The following TBC1D22B variants were observed in gnomAD, a reference collection of about 807,000 sequenced individuals.
The protein encoded by TBC1D22B is chromosome 6 open reading frame 197.
TBC1D22B carries 32 observed loss-of-function variants against 69.1 expected under a neutral mutation model. That is an observed-to-expected ratio of 0.46 (90% CI 0.35 to 0.62). The LOEUF (loss-of-function observed/expected upper bound fraction) is 0.62, where lower values mean the gene tolerates loss of function less well. TBC1D22B is among the 20% of genes least tolerant of loss of function. TBC1D22B has a pLI of 0.00. For synonymous variants in TBC1D22B, 206 were observed against 229.8 expected (o/e 0.90, Z 0.94); for missense variants, 462 against 630.9 (o/e 0.73, Z 2.87).
chr6:37,303,374 T>C (rs960734803), intron 8 of TBC1D22B, among the ~76,000 whole-genome samples: 21 of 152,234 alleles, frequency 1.4e-4, no homozygotes, highest in African/African-American at 5.1e-4. Context: ...TGATTCTGTT[T>C]CCTTACTCTT....
rs958501830 is a variant in TBC1D22B, at chr6:37,312,928, G to A, written c.993G>A (p.Val331=). 1.2e-6 allele frequency: 2 copies of A among 1,613,716 alleles called. No homozygotes were observed. The highest frequency in any genetic ancestry group is 1.7e-6 in the Non-Finnish European group (2 of 1,179,744). ...VFLSEYVEED[V]ENFDVTNLSQ... ...CCTTTTGTTTTACAGAAGAGGATGT[G>A]GAGAACTTTGACGTGACCAACTTGT... The change falls in exon 9 of 13, where the codon GTG becomes GTA. Residue 331 remains valine, a synonymous_variant. Transcript: ENST00000373491.
intron 10 of TBC1D22B, 74 bp downstream of exon 10, chr6:37,313,965 T>C (rs534393277): frequency 5.8e-6 from 8 of 1,381,942 alleles, no homozygotes; most frequent in Non-Finnish European, 8.2e-6. Context: ...TGCTTGTGGG[T>C]CCTCTCCTCA....
rs769788753 is a variant in TBC1D22B at position 37,287,014 on chromosome 6, T to C, written c.809T>C (p.Ile270Thr). The change falls in exon 7 of 13, where the codon ATT (isoleucine) becomes ACT (threonine). Residue 270 changes from isoleucine (I) to threonine (T), a missense_variant. Ile to Thr is a moderately conservative substitution (Grantham distance 89). Transcript: ENST00000373491. ...ATGCCTTCTCTTTTTCAGATTCACA[T>C]TGACATTCCAAGGACGAATCCTCTC... is the stretch of plus-strand genomic sequence containing the variant. ...HHQDTYRQIHIDIPRTNPLIP... is the reference protein window; with the variant it reads ...HHQDTYRQIHTDIPRTNPLIP... 6.9e-6 allele frequency: 11 copies of C among 1,599,114 alleles called. No homozygotes were observed. The Admixed American group carries it at 8.9e-5, about 13-fold the overall frequency.
At chr6:37,329,915 G>T (rs914027352) in intron 12 of TBC1D22B, among the ~76,000 whole-genome samples, 1 of 152,184 alleles carries the variant, frequency 6.6e-6, no homozygotes, top group Non-Finnish European at 1.5e-5. Flanking sequence ...GCAGTGATGT[G>T]CATTGGGCAG....
At chr6:37,296,020 T>G (rs2113758703) in intron 8 of TBC1D22B, among the ~76,000 whole-genome samples, 1 of 152,312 alleles carries the variant, frequency 6.6e-6, no homozygotes, top group East Asian at 1.9e-4. Context: ...CCATCAACAT[T>G]GAGGCAAGAT....
At chr6:37,269,676 C>T (rs373968232) in intron 2 of TBC1D22B, 26 bp downstream of exon 2, 3 of 1,610,222 alleles carry the variant, frequency 1.9e-6, no homozygotes, top group African/African-American at 2.7e-5. Context: ...TTCGTTTTAT[C>T]TATCTACTGC....
rs186167641 is a variant in TBC1D22B, at chr6:37,289,382, C to T, written c.868-1861C>T. On this transcript the variant is annotated intron_variant, in intron 7 of 12. Transcript: ENST00000373491. ...ACTCCTCTCTATAAGGCAGGATTAT[C>T]CCAGACTTTTTCTATAGCGAACATC... 1.5e-3 allele frequency among the ~76,000 whole-genome samples: 230 copies of T among 152,310 alleles called. 2 individuals carry two copies. Among genetic ancestry groups the T allele is most frequent in the African/African-American group, 2.3e-3 (95 of 41,556 alleles).
chr6:37,326,577 A>G (rs1328163022), intron 12 of TBC1D22B, among the ~76,000 whole-genome samples: 1 of 152,144 alleles, frequency 6.6e-6, no homozygotes, highest in Non-Finnish European at 1.5e-5. Context: ...TCCCGAGGTC[A>G]GGAGATTGAG....
intron 9 of TBC1D22B, 107 bp downstream of exon 9, chr6:37,313,131 C>T: frequency 1.3e-6 from 1 of 786,456 alleles, no homozygotes; most frequent in South Asian, 1.4e-5. Flanking sequence ...CACCCACCCA[C>T]CCACTATGGC....
chr6:37,325,689 A>G (rs1768374122), intron 12 of TBC1D22B, among the ~76,000 whole-genome samples: 1 of 151,790 alleles, frequency 6.6e-6, no homozygotes, highest in African/African-American at 2.4e-5. Context: ...AGCTGGGACT[A>G]CAGGGGCACG....
chr6:37,261,586 C>T (rs1766102616), intron 1 of TBC1D22B, among the ~76,000 whole-genome samples: 1 of 151,980 alleles, frequency 6.6e-6, no homozygotes, highest in African/African-American at 2.4e-5. Context: ...AGTATCTGCT[C>T]CATGGGGCTG....
At position 37,279,304 on chromosome 6, in the gene TBC1D22B, T is replaced by A. The variant is rs1766752865; in HGVS notation, c.114T>A (p.Asn38Lys). 1 of 1,590,166 alleles carries A rather than the reference T, an allele frequency of 6.3e-7. No homozygotes were observed. Among genetic ancestry groups the A allele is most frequent in the East Asian group, 2.2e-5 (1 of 44,550 alleles). Reference protein sequence around the residue: ...HPPLDPRLTKNFIKERSKVNT... With the variant: ...HPPLDPRLTKKFIKERSKVNT... ...GGTAATCGTGTCTCCTTTCTTGAAG[T>A]TTCATTAAAGAACGATCAAAAGTCA... The change falls in exon 3 of 13, where the codon AAT (asparagine) becomes AAA (lysine). Residue 38 changes from asparagine to lysine, a missense_variant and splice_region_variant. Asn to Lys is a moderately conservative substitution (Grantham distance 94). This residue lies in a region of TBC1D22B where 237 missense variants were observed against 255.4 expected (regional missense o/e 0.93). Coordinates refer to ENST00000373491, the MANE Select transcript of TBC1D22B (RefSeq NM_017772.4).
intron 8 of TBC1D22B, among the ~76,000 whole-genome samples, chr6:37,311,979 C>T (rs1216667524): frequency 6.6e-6 from 1 of 152,212 alleles, no homozygotes; most frequent in Non-Finnish European, 1.5e-5. Flanking sequence ...ATAGCCTTTT[C>T]CTTCTTCAGG....
At position 37,283,379 on chromosome 6, in the gene TBC1D22B, G is replaced by C. The variant is rs113374903; in HGVS notation, c.672+427G>C. On this transcript the variant is annotated intron_variant, in intron 5 of 12. Coordinates refer to ENST00000373491, the MANE Select transcript of TBC1D22B (RefSeq NM_017772.4). ...ACTAGTCCTGCTTTCACCAAGTACA[G>C]AGCACTGTGCCAGCCGCTATGATAG... Among the ~76,000 whole-genome samples, 558 of 152,312 alleles carry C rather than the reference G, an allele frequency of 3.7e-3. 2 individuals are homozygous for C. The highest frequency in any genetic ancestry group is 0.012 in the African/African-American group (518 of 41,562).
At chr6:37,279,257 C>T in intron 2 of TBC1D22B, 47 bp from the exon 3 acceptor site, 1 of 1,478,902 alleles carries the variant, frequency 6.8e-7, no homozygotes, top group Non-Finnish European at 9.2e-7. Context: ...TGTAGGTGGT[C>T]AGATGTGTCA....
At chr6:37,281,921 A>G (rs1360975090) in intron 3 of TBC1D22B, among the ~76,000 whole-genome samples, 1 of 152,170 alleles carries the variant, frequency 6.6e-6, no homozygotes, top group Non-Finnish European at 1.5e-5. Flanking sequence ...AAAGTTCTCA[A>G]AAGTTGCTGC....
At position 37,291,255 on chromosome 6, in the gene TBC1D22B, A is replaced by G. The variant is rs1490091541; in HGVS notation, c.880A>G (p.Ile294Val). The change falls in exon 8 of 13, where the codon ATT (isoleucine) becomes GTT (valine). Residue 294 changes from isoleucine (I) to valine (V), a missense_variant. Ile to Val is a conservative substitution (Grantham distance 29). This residue lies in a region of TBC1D22B where 225 missense variants were observed against 375.4 expected (regional missense o/e 0.60). Transcript: ENST00000373491. Reference protein sequence around the residue: ...QPLVQEIFERILFIWAIRHPA... With the variant: ...QPLVQEIFERVLFIWAIRHPA... Reference sequence around the variant, plus strand: ...CTCATTTTCCTAGATCTTTGAAAGAATTCTATTTATTTGGGCCATCCGCCA... The same window carrying G: ...CTCATTTTCCTAGATCTTTGAAAGAGTTCTATTTATTTGGGCCATCCGCCA... 1.9e-6 allele frequency: 3 copies of G among 1,612,602 alleles called. No homozygotes were observed. Among genetic ancestry groups the G allele is most frequent in the African/African-American group, 2.7e-5 (2 of 74,870 alleles).
chr6:37,294,176 A>G (rs1767281431), intron 8 of TBC1D22B, among the ~76,000 whole-genome samples: 1 of 152,198 alleles, frequency 6.6e-6, no homozygotes, highest in Non-Finnish European at 1.5e-5. Flanking sequence ...CTATTGGAAA[A>G]AGATGCTATC....
chr6:37,285,624 C>A (rs1170422341), intron 6 of TBC1D22B, among the ~76,000 whole-genome samples: 1 of 152,202 alleles, frequency 6.6e-6, no homozygotes, highest in Non-Finnish European at 1.5e-5. Context: ...TCCTGGATAG[C>A]TGGGATTACA....
Sources: allele counts gnomAD v4.1 joint callset (sites outside exome capture counted in the v4.1 genomes callset), GRCh38; gene constraint gnomAD v4.1.1; regional missense constraint gnomAD v4.1.1; transcripts MANE v1.5; gene names NCBI Gene and HGNC (gene_info 2026-07-23, HGNC 2026-07-21).